Variants in JAK1 observed in about 807,000 individuals in gnomAD.
The protein encoded by JAK1 is tyrosine-protein kinase JAK1.
A neutral mutation model predicts 136.6 loss-of-function variants in JAK1; 16 were observed. The observed-to-expected ratio is 0.12, with a 90% CI of 0.08 to 0.18. The LOEUF (loss-of-function observed/expected upper bound fraction) is 0.18. Ranked by LOEUF, JAK1 falls within the 10% of genes least tolerant of loss-of-function variation. JAK1 has a pLI of 1.00. For missense variants in JAK1, 859 were observed against 1,450.1 expected (o/e 0.59, Z 6.62); for synonymous variants, 492 against 519.5 (o/e 0.95, Z 0.72).
intron 2 of JAK1, among the ~76,000 whole-genome samples, chr1:65,042,502 T>C (rs906582077): frequency 6.6e-6 from 1 of 152,104 alleles, no homozygotes; most frequent in African/African-American, 2.4e-5. Context: ...AAGACTGAAT[T>C]CATGTTACAT....
In JAK1 at chr1:64,833,371, A is replaced by C. The variant is rs1329458421; in HGVS notation, c.*1191T>G. 11 of 232,796 alleles carry C rather than the reference A, an allele frequency of 4.7e-5. No homozygotes were observed. The highest frequency in any genetic ancestry group is 9.4e-5 in the Non-Finnish European group (11 of 117,560). 14.4% of individuals were successfully genotyped at this position (232,796 alleles called of 1,614,324 possible). ...CATTGCTGCCACTGAACCAATCCTG[A>C]ATTTGGGCTCAACAGGTGAAAAGTA... On this transcript the variant is annotated 3_prime_UTR_variant, in exon 25 of 25. Transcript: ENST00000342505.
At chr1:65,048,352 T>C (rs1307546820) in intron 1 of JAK1, among the ~76,000 whole-genome samples, 1 of 152,174 alleles carries the variant, frequency 6.6e-6, no homozygotes, top group Non-Finnish European at 1.5e-5. Context: ...TAGCATATAT[T>C]ATTATTACCA....
chr1:64,867,554 A>G (rs1220341541), intron 6 of JAK1, among the ~76,000 whole-genome samples: 3 of 152,230 alleles, frequency 2.0e-5, no homozygotes, highest in African/African-American at 7.2e-5. Flanking sequence ...ACACACTGTT[A>G]CTAGGATTGA....
intron 2 of JAK1, among the ~76,000 whole-genome samples, chr1:65,035,863 T>C (rs1324411792): frequency 6.6e-6 from 1 of 152,064 alleles, no homozygotes; most frequent in East Asian, 1.9e-4. Flanking sequence ...GGTCACAAGC[T>C]CGAGACCAGC....
chr1:64,888,339 G>C (rs548451466), intron 1 of JAK1, among the ~76,000 whole-genome samples: 1 of 152,072 alleles, frequency 6.6e-6, no homozygotes, highest in African/African-American at 2.4e-5. Context: ...GCGCCACTAC[G>C]TCCAGCTATT....
chr1:64,996,150 CA>C (rs1343352142), intron 2 of JAK1, among the ~76,000 whole-genome samples: 1 of 152,096 alleles, frequency 6.6e-6, no homozygotes, highest in Admixed American at 6.6e-5. Context: ...CACATAAGCA[CA>C]AAATATAATT....
intron 21 of JAK1, 134 bp from the exon 22 acceptor site, chr1:64,838,238 T>C: frequency 1.0e-6 from 1 of 988,052 alleles, no homozygotes; most frequent in Non-Finnish European, 1.5e-6. Context: ...CTGACTTTTA[T>C]GCAAGAATAT....
intron 18 of JAK1, 43 bp from the exon 19 acceptor site, chr1:64,841,382 G>T: frequency 1.2e-6 from 2 of 1,610,548 alleles, no homozygotes; most frequent in Non-Finnish European, 1.7e-6. Context: ...GCAGTCGATT[G>T]CCAGGGATTG....
At chr1:64,927,577 A>G (rs1428518837) in intron 1 of JAK1, among the ~76,000 whole-genome samples, 1 of 152,200 alleles carries the variant, frequency 6.6e-6, no homozygotes, top group East Asian at 1.9e-4. Flanking sequence ...CTCCTTTTAC[A>G]TTATAGGTAT....
chr1:64,993,806 C>T (rs1356768486), intron 2 of JAK1, among the ~76,000 whole-genome samples: 2 of 151,990 alleles, frequency 1.3e-5, no homozygotes, highest in African/African-American at 2.4e-5. Context: ...CCATCACGCC[C>T]GGCTAATTTT....
chr1:64,872,270 A>G (rs934838590), intron 5 of JAK1, among the ~76,000 whole-genome samples: 12 of 152,206 alleles, frequency 7.9e-5, no homozygotes, highest in African/African-American at 2.7e-4. Context: ...CACAGCAAAG[A>G]ATCATCTGGG....
intron 2 of JAK1, among the ~76,000 whole-genome samples, chr1:65,020,490 G>A (rs568394099): frequency 9.9e-5 from 15 of 152,256 alleles, no homozygotes; most frequent in African/African-American, 3.4e-4. Flanking sequence ...TGCTTCTGGG[G>A]AGGCAGCAAA....
In JAK1 at chr1:64,844,672, G is replaced by T. The variant is rs1461840684; in HGVS notation, c.2251+82C>A. The T allele has an allele frequency of 1.3e-6, 2 of 1,549,896 alleles. No individual in the cohort carries two copies. Among genetic ancestry groups the T allele is most frequent in the South Asian group, 2.2e-5 (2 of 89,338 alleles). ...AAAAAAAAATGACTCTCTAAAAGGA[G>T]ACCAACCCCAGCCCAGCCCTTCTCT... is the stretch of plus-strand genomic sequence containing the variant. On this transcript the variant is annotated intron_variant, in intron 16 of 24. Coordinates refer to ENST00000342505, the MANE Select transcript of JAK1 (RefSeq NM_002227.4). The surrounding 1 kb of genome is among the most constrained non-coding windows in gnomAD (Gnocchi z 5.7).
intron 2 of JAK1, among the ~76,000 whole-genome samples, chr1:65,006,764 A>G (rs1299816851): frequency 2.0e-5 from 3 of 152,170 alleles, no homozygotes; most frequent in Non-Finnish European, 4.4e-5. Flanking sequence ...CTGTAGATTC[A>G]CTGAATTACG....
intron 1 of JAK1, among the ~76,000 whole-genome samples, chr1:64,912,100 G>A (rs1260128988): frequency 6.6e-6 from 1 of 152,206 alleles, no homozygotes; most frequent in Non-Finnish European, 1.5e-5. Flanking sequence ...AAACCCAGCT[G>A]TGTATCAGAA....
intron 1 of JAK1, among the ~76,000 whole-genome samples, chr1:64,893,194 G>C (rs1644965431): frequency 6.6e-6 from 1 of 152,176 alleles, no homozygotes; most frequent in South Asian, 2.1e-4. Flanking sequence ...GCACAATTGT[G>C]CAGGAAAGAG....
At chr1:64,918,896 G>A (rs1645445764) in intron 1 of JAK1, among the ~76,000 whole-genome samples, 1 of 151,918 alleles carries the variant, frequency 6.6e-6, no homozygotes, top group African/African-American at 2.4e-5. Flanking sequence ...CTTCTTTAAA[G>A]ACCATCTTGA....
chr1:64,921,847 C>T (rs1361460931), intron 1 of JAK1, among the ~76,000 whole-genome samples: 1 of 152,026 alleles, frequency 6.6e-6, no homozygotes, highest in East Asian at 1.9e-4. Context: ...TCCAGATATA[C>T]CTCCTTTCCA....
chr1:64,967,418 C>T (rs1435233021), upstream of JAK1, among the ~76,000 whole-genome samples: 1 of 152,198 alleles, frequency 6.6e-6, no homozygotes, highest in African/African-American at 2.4e-5. Context: ...AATTAATTCT[C>T]TACAATGAAC....
Sources: allele counts gnomAD v4.1 joint callset (sites outside exome capture counted in the v4.1 genomes callset), GRCh38; gene constraint gnomAD v4.1.1; non-coding constraint Gnocchi (gnomAD v3.1); transcripts MANE v1.5; gene names NCBI Gene and HGNC (gene_info 2026-07-23, HGNC 2026-07-21).